NEDD1: variants seen among roughly 807,000 people sequenced by gnomAD.
NEDD1 encodes the protein NEDD1 gamma-tubulin ring complex targeting factor, also known as protein NEDD1.
NEDD1 carries 33 observed loss-of-function variants against 74.0 expected under a neutral mutation model. The observed-to-expected ratio is 0.45, with a 90% CI of 0.34 to 0.60. The LOEUF (loss-of-function observed/expected upper bound fraction) is 0.60. Among genes scored for constraint, NEDD1 ranks in the 20% least tolerant of loss-of-function variants. NEDD1 has a pLI of 0.01. For synonymous variants in NEDD1, 250 were observed against 264.4 expected (o/e 0.95, Z 0.53); for missense variants, 746 against 776.5 (o/e 0.96, Z 0.47).
At chr12:96,942,800 A>G (rs545215619) in intron 11 of NEDD1, among the ~76,000 whole-genome samples, 176 bp downstream of exon 11, 2 of 152,238 alleles carry the variant, frequency 1.3e-5, no homozygotes, top group South Asian at 2.1e-4. Context: ...CTTCAAGTCT[A>G]TCTTCCTGCT....
intron 6 of NEDD1, among the ~76,000 whole-genome samples, chr12:96,928,681 C>CTTTTTTTTTTT (rs34575410): frequency 2.3e-5 from 2 of 87,694 alleles, no homozygotes; most frequent in Admixed American, 1.3e-4. Context: ...TAGTGTGTTT[C>CTTTTTTTTTTT]TTTTTTTTTT....
At chr12:96,934,879 A>G in intron 6 of NEDD1, 97 bp from the exon 7 acceptor site, 1 of 777,026 alleles carries the variant, frequency 1.3e-6, no homozygotes, top group Non-Finnish European at 2.2e-6. Context: ...CCTAAACCCC[A>G]TGTGAATAGT....
intron 6 of NEDD1, among the ~76,000 whole-genome samples, chr12:96,926,182 G>A (rs778142998): frequency 6.6e-6 from 1 of 152,056 alleles, no homozygotes; most frequent in Non-Finnish European, 1.5e-5. Context: ...TCTCTAAAAT[G>A]GTTTGAGCAT....
At chr12:96,941,671 C>T (rs1271310543) in intron 10 of NEDD1, among the ~76,000 whole-genome samples, 1 of 152,092 alleles carries the variant, frequency 6.6e-6, no homozygotes. Flanking sequence ...GAAGAATGTA[C>T]AAAGGGGCTT....
chr12:96,914,887 C>T (rs369354471), intron 4 of NEDD1, among the ~76,000 whole-genome samples: 5 of 152,134 alleles, frequency 3.3e-5, no homozygotes, highest in African/African-American at 1.2e-4. Flanking sequence ...CAGGGTTAGC[C>T]AGCTCTAAAT....
intron 6 of NEDD1, among the ~76,000 whole-genome samples, chr12:96,932,457 AAAAAAAATATATATATATAT>A (rs1398628562): frequency 7.8e-5 from 1 of 12,774 alleles, no homozygotes; most frequent in African/African-American, 2.1e-4. Flanking sequence ...AAAAAAAAAA[AAAAAAAATATATATATATAT>A]ATATATATAT....
At chr12:96,918,520 T>A (rs774600757) in intron 5 of NEDD1, among the ~76,000 whole-genome samples, 36 of 152,310 alleles carry the variant, frequency 2.4e-4, no homozygotes, top group Non-Finnish European at 4.9e-4. Context: ...ATTTGATGAT[T>A]TTTTCCATTT....
intron 9 of NEDD1, among the ~76,000 whole-genome samples, chr12:96,938,656 A>G (rs1307329831): frequency 5.3e-5 from 8 of 152,046 alleles, no homozygotes. Context: ...CACAAAATTA[A>G]CAATGTTTGT....
At chr12:96,919,183 AACCTGAAAGTTTT>A (rs1349691959) in intron 5 of NEDD1, among the ~76,000 whole-genome samples, 1 of 152,164 alleles carries the variant, frequency 6.6e-6, no homozygotes, top group Non-Finnish European at 1.5e-5. Flanking sequence ...GTTTGTTTAA[AACCTGAAAGTTTT>A]ACTTCCTCAA....
rs866256292 is a variant in NEDD1, at chr12:96,943,609, TC to T, written c.1346del (p.Pro449GlnfsTer2). On this transcript the variant is annotated frameshift_variant, in exon 12 of 16. Transcript: ENST00000266742. LOFTEE classifies it high-confidence loss of function. Reference sequence around the variant, plus strand: ...ACTCAGTGTTTCCTCCAAGAAAAAATCCAGTAACTTCAAGTACTTCAGTATT... The same window carrying T: ...ACTCAGTGTTTCCTCCAAGAAAAAATCAGTAACTTCAAGTACTTCAGTATT... ...LNSVFPPRKNPVTSSTSVLHS... is the reference protein window; with the variant it reads ...LNSVFPPRKNXVTSSTSVLHS... The T allele has an allele frequency of 8.7e-6, 14 of 1,613,112 alleles. No individual in the cohort carries two copies. The highest frequency in any genetic ancestry group is 8.5e-7 in the Non-Finnish European group (1 of 1,179,366).
intron 4 of NEDD1, among the ~76,000 whole-genome samples, chr12:96,914,097 G>T (rs538700542): frequency 2.0e-5 from 3 of 152,154 alleles, no homozygotes; most frequent in Non-Finnish European, 4.4e-5. Flanking sequence ...TGTTTAACCT[G>T]ACTTAAGCAG....
chr12:96,920,960 G>T (rs2088147508), intron 6 of NEDD1, among the ~76,000 whole-genome samples: 1 of 152,104 alleles, frequency 6.6e-6, no homozygotes, highest in South Asian at 2.1e-4. Context: ...GAATAATACA[G>T]ATATATAAAT....
intron 6 of NEDD1, among the ~76,000 whole-genome samples, chr12:96,930,199 A>G: frequency 1.6e-5 from 1 of 63,540 alleles, no homozygotes; most frequent in South Asian, 5.4e-4. Flanking sequence ...ACACACACAC[A>G]CACACACACA....
intron 14 of NEDD1, among the ~76,000 whole-genome samples, chr12:96,947,744 A>G (rs549224351): frequency 6.6e-6 from 1 of 152,176 alleles, no homozygotes; most frequent in South Asian, 2.1e-4. Context: ...GTTTTTCACT[A>G]TCTAACCTGT....
intron 5 of NEDD1, among the ~76,000 whole-genome samples, chr12:96,918,132 T>C (rs1206621824): frequency 6.6e-6 from 1 of 151,888 alleles, no homozygotes; most frequent in Non-Finnish European, 1.5e-5. Context: ...GGGTCAGCTT[T>C]TTAGTTATGT....
chr12:96,944,819 G>A (rs1195989008), intron 13 of NEDD1, 24 bp downstream of exon 13: 3 of 1,470,948 alleles, frequency 2.0e-6, no homozygotes, highest in Admixed American at 2.5e-5. Context: ...ACTTCCTGAT[G>A]TTTGAAAGTG....
intron 6 of NEDD1, among the ~76,000 whole-genome samples, chr12:96,926,031 A>ATTT (rs3035156): frequency 1.4e-5 from 2 of 148,070 alleles, no homozygotes; most frequent in East Asian, 2.0e-4. Context: ...TTTCAAAGGG[A>ATTT]TTTTTTTTTT....
chr12:96,944,178 T>C (rs1222752618), intron 12 of NEDD1, among the ~76,000 whole-genome samples: 4 of 152,036 alleles, frequency 2.6e-5, no homozygotes, highest in Non-Finnish European at 5.9e-5. Flanking sequence ...TATGTAAGGG[T>C]TCAAAATGAT....
In NEDD1 at chr12:96,907,296, G is replaced by T. The variant is rs531209713; in HGVS notation, c.-266G>T. 1,522 of 308,138 alleles carry T rather than the reference G, an allele frequency of 4.9e-3. 26 individuals carry two copies. The highest frequency in any genetic ancestry group is 0.03 in the African/African-American group (1,373 of 45,790). The allele number at this position is 308,138 out of a possible 1,614,324, so 19.1% of individuals were successfully genotyped here. ...CGCGGCCCCCTGTTGTGTTGCTGCG[G>T]AGAGGTGAGGTTCCGGAGGCCCTGA... On this transcript the variant is annotated 5_prime_UTR_variant, in exon 1 of 16. Transcript: ENST00000266742.
Sources: gnomAD v4.1 joint callset for allele counts (sites outside exome capture counted in the v4.1 genomes callset) on GRCh38, gnomAD v4.1.1 for gene constraint, MANE v1.5 for transcripts, NCBI Gene and HGNC (gene_info 2026-07-23, HGNC 2026-07-21) for gene names.